ZC3H3: variants seen among roughly 807,000 people sequenced by gnomAD.
ZC3H3 encodes zinc finger CCCH domain-containing protein 3.
In ZC3H3, 36 loss-of-function variants were observed where a neutral mutation model predicts 77.3. That is an observed-to-expected ratio of 0.47 (90% CI 0.36 to 0.61). The LOEUF (loss-of-function observed/expected upper bound fraction) is 0.61, where lower values mean the gene tolerates loss of function less well. Among genes scored for constraint, ZC3H3 ranks in the 20% least tolerant of loss-of-function variants. The pLI, the probability that ZC3H3 is intolerant of heterozygous loss-of-function variation, is 0.00. For missense variants in ZC3H3, 1,331 were observed against 1,312.2 expected (o/e 1.01, Z -0.22); for synonymous variants, 626 against 555.2 (o/e 1.13, Z -1.79).
rs374555333 is a variant in ZC3H3 at position 143,462,645 on chromosome 8, C to T, written c.2307+3072G>A. On this transcript the variant is annotated intron_variant, in intron 9 of 11. Coordinates refer to ENST00000262577, the MANE Select transcript of ZC3H3 (RefSeq NM_015117.3). This position sits in a 1 kb window ranked among gnomAD's most constrained non-coding sequence, Gnocchi z 4.7. ...GGCTCAGCCAGGGCCTTCCCTCTCCCGACAGCTCCCTGCAGACAGGCACCA... is the reference window on the plus strand; with the variant it reads ...GGCTCAGCCAGGGCCTTCCCTCTCCTGACAGCTCCCTGCAGACAGGCACCA... Among the ~76,000 whole-genome samples, 15 of 152,198 alleles carry T rather than the reference C, an allele frequency of 9.9e-5. No individual in the cohort carries two copies. The highest frequency in any genetic ancestry group is 7.9e-4 in the Admixed American group (12 of 15,286).
At chr8:143,526,078 C>G (rs1209463892) in intron 3 of ZC3H3, among the ~76,000 whole-genome samples, 1 of 152,248 alleles carries the variant, frequency 6.6e-6, no homozygotes, top group South Asian at 2.1e-4. Flanking sequence ...AGGGCTACAC[C>G]AAAACCCACG....
chr8:143,537,888 G>A (rs1038622765), intron 2 of ZC3H3, 115 bp downstream of exon 2: 2 of 1,124,224 alleles, frequency 1.8e-6, no homozygotes, highest in Admixed American at 2.3e-5. Context: ...ATTTCTTGCT[G>A]GAAATGTGAA....
In ZC3H3 at chr8:143,538,078, A is replaced by T; in HGVS notation, c.1289T>A (p.Leu430His). The T allele has an allele frequency of 6.2e-7, 1 of 1,612,898 alleles. No individual in the cohort carries two copies. The highest frequency in any genetic ancestry group is 8.5e-7 in the Non-Finnish European group (1 of 1,179,970). The part of the protein sequence containing the change: ...PAVGHSGLKP[L>H]SGETPLSAYK... ...AGCCGAGAGCGGGGTCTCCCCAGAG[A>T]GGGGCTTCAAGCCACTGTGTCCTAC... Residue 430 changes from leucine to histidine, a missense_variant, in exon 2 of 12, where the codon CTC becomes CAC. Physicochemically the swap from Leu to His is moderately conservative, Grantham distance 99. Coordinates refer to ENST00000262577, the MANE Select transcript of ZC3H3 (RefSeq NM_015117.3).
At chr8:143,445,211 G>A (rs1488445051) in intron 9 of ZC3H3, among the ~76,000 whole-genome samples, 1 of 151,930 alleles carries the variant, frequency 6.6e-6, no homozygotes, top group African/African-American at 2.4e-5. Flanking sequence ...GAGAAACCCT[G>A]TCTCTACTAA....
At chr8:143,481,805 T>C (rs967104247) in intron 4 of ZC3H3, among the ~76,000 whole-genome samples, 2 of 152,184 alleles carry the variant, frequency 1.3e-5, no homozygotes, top group African/African-American at 4.8e-5. Flanking sequence ...GGTCAGCAGT[T>C]CTCCCCATGA....
chr8:143,463,078 G>A (rs1820308925), intron 9 of ZC3H3, among the ~76,000 whole-genome samples: 1 of 151,938 alleles, frequency 6.6e-6, no homozygotes, highest in African/African-American at 2.4e-5. Context: ...CCACCTCCCG[G>A]GTTCCAGCAA....
chr8:143,473,246 T>C (rs930087709), intron 5 of ZC3H3, among the ~76,000 whole-genome samples: 5 of 151,846 alleles, frequency 3.3e-5, no homozygotes, highest in Non-Finnish European at 7.4e-5. Context: ...CTGCGATGCC[T>C]CACGCCCCCT....
chr8:143,539,413 A>G (rs1324749807), intron 1 of ZC3H3, 93 bp from the exon 2 acceptor site: 1 of 1,269,756 alleles, frequency 7.9e-7, no homozygotes, highest in Non-Finnish European at 1.1e-6. Flanking sequence ...AGATACCCCC[A>G]GATCCCATCT....
chr8:143,439,207 G>A (rs935111796), intron 11 of ZC3H3, among the ~76,000 whole-genome samples: 2 of 152,176 alleles, frequency 1.3e-5, no homozygotes, highest in African/African-American at 4.8e-5. Flanking sequence ...CAGGTCTCGT[G>A]GGGCGGAGGG....
intron 5 of ZC3H3, among the ~76,000 whole-genome samples, chr8:143,472,989 A>G (rs1820618140): frequency 6.6e-6 from 1 of 152,170 alleles, no homozygotes; most frequent in Non-Finnish European, 1.5e-5. Context: ...GCTTCCGCAG[A>G]GCAGGGCAGG....
intron 9 of ZC3H3, among the ~76,000 whole-genome samples, chr8:143,450,541 G>A (rs758767517): frequency 4.6e-5 from 7 of 152,168 alleles, no homozygotes; most frequent in Non-Finnish European, 5.9e-5. Flanking sequence ...AGGCTGTACA[G>A]GAAGCATGGC....
chr8:143,456,588 A>G (rs1820129292), intron 9 of ZC3H3, among the ~76,000 whole-genome samples: 1 of 152,220 alleles, frequency 6.6e-6, no homozygotes, highest in African/African-American at 2.4e-5. Flanking sequence ...AAATCGATCA[A>G]GAATGCATAG....
intron 3 of ZC3H3, among the ~76,000 whole-genome samples, chr8:143,520,022 C>A (rs965229212): frequency 6.6e-6 from 1 of 152,306 alleles, no homozygotes; most frequent in East Asian, 1.9e-4. Context: ...CTGCTCGCCC[C>A]ACCCACCTCC....
chr8:143,477,530 G>A (rs918706710), intron 4 of ZC3H3, among the ~76,000 whole-genome samples: 7 of 152,194 alleles, frequency 4.6e-5, no homozygotes, highest in Non-Finnish European at 1.0e-4. Flanking sequence ...CGGCCTCCAG[G>A]TGCCTGCAGG....
At chr8:143,448,052 G>A (rs758851682) in intron 9 of ZC3H3, among the ~76,000 whole-genome samples, 3 of 152,172 alleles carry the variant, frequency 2.0e-5, no homozygotes, top group Non-Finnish European at 4.4e-5. Context: ...TTAAACCCGA[G>A]AGGCGGGGGG....
At chr8:143,512,712 C>T (rs559774897) in intron 3 of ZC3H3, among the ~76,000 whole-genome samples, 314 of 152,344 alleles carry the variant, frequency 2.1e-3, no homozygotes, top group African/African-American at 6.2e-3. Flanking sequence ...CCTCTTCCTC[C>T]GGCACTGCCT....
intron 3 of ZC3H3, among the ~76,000 whole-genome samples, chr8:143,529,551 A>T (rs972877643): frequency 3.3e-5 from 5 of 152,188 alleles, no homozygotes; most frequent in Non-Finnish European, 7.3e-5. Context: ...GGCCCTTCTG[A>T]GACCGAGAAG....
At chr8:143,518,160 C>T (rs553428484) in intron 3 of ZC3H3, among the ~76,000 whole-genome samples, 17 of 152,324 alleles carry the variant, frequency 1.1e-4, no homozygotes, top group African/African-American at 3.8e-4. Flanking sequence ...GATGGCCTAG[C>T]GCAGAGTCAG....
intron 3 of ZC3H3, among the ~76,000 whole-genome samples, chr8:143,528,981 G>A (rs189287106): frequency 1.6e-3 from 247 of 152,360 alleles, no homozygotes; most frequent in African/African-American, 5.2e-3. Context: ...ACATGAGGCA[G>A]GAGGAAGGAA....
Sources: allele counts gnomAD v4.1 joint callset (sites outside exome capture counted in the v4.1 genomes callset), GRCh38; gene constraint gnomAD v4.1.1; non-coding constraint Gnocchi (gnomAD v3.1); transcripts MANE v1.5; gene names NCBI Gene and HGNC (gene_info 2026-07-23, HGNC 2026-07-21).